The following MARCHF1 variants were observed in gnomAD, a reference collection of about 807,000 sequenced individuals.
MARCHF1 encodes E3 ubiquitin-protein ligase MARCHF1.
Under a neutral mutation model 54.2 loss-of-function variants are expected in MARCHF1, and 40 were observed. The ratio of observed to expected loss-of-function variants is 0.74; its 90% CI spans 0.57 to 0.96. The LOEUF is 0.96. Ranked by LOEUF, MARCHF1 falls within the 40% of genes least tolerant of loss-of-function variation. The probability of loss-of-function intolerance (pLI) is 0.00; values close to 1 mark genes in which losing one functional copy is unlikely to be tolerated. For synonymous variants in MARCHF1, 236 were observed against 236.3 expected (o/e 1.00, Z 0.01); for missense variants, 586 against 656.5 (o/e 0.89, Z 1.17).
At chr4:164,064,958 A>C (rs919049763) in intron 2 of MARCHF1, among the ~76,000 whole-genome samples, 15 of 152,090 alleles carry the variant, frequency 9.9e-5, no homozygotes, top group Admixed American at 6.6e-4. Context: ...ACGTTTATTG[A>C]TTTGCATATG....
chr4:164,141,208 C>T (rs1278584517), intron 1 of MARCHF1, among the ~76,000 whole-genome samples: 5 of 152,224 alleles, frequency 3.3e-5, no homozygotes, highest in East Asian at 1.9e-4. Context: ...AAATGTATGC[C>T]ACTACTGATA....
At chr4:163,555,803 G>A (rs1739266207) in intron 8 of MARCHF1, 2 of 357,206 alleles carry the variant, frequency 5.6e-6, no homozygotes, top group South Asian at 4.0e-5. Flanking sequence ...CATTGATGAT[G>A]TTTTCCCTGG....
chr4:163,924,684 T>C (rs532202942), intron 3 of MARCHF1, among the ~76,000 whole-genome samples: 3 of 151,898 alleles, frequency 2.0e-5, no homozygotes, highest in South Asian at 4.1e-4. Context: ...GATGAGAAAA[T>C]AGGGATAGAG....
At chr4:163,813,944 CA>C (rs1748463597) in intron 4 of MARCHF1, among the ~76,000 whole-genome samples, 1 of 152,118 alleles carries the variant, frequency 6.6e-6, no homozygotes, top group Non-Finnish European at 1.5e-5. Context: ...CCTGATGCAC[CA>C]AAATCTAAGC....
intron 1 of MARCHF1, among the ~76,000 whole-genome samples, chr4:164,208,975 TCTCA>T (rs1002366740): frequency 5.3e-5 from 8 of 151,288 alleles, no homozygotes; most frequent in African/African-American, 1.9e-4. Context: ...TCTCTCTCTC[TCTCA>T]CTTTCTCTCT....
At chr4:163,698,586 C>T (rs916365342) in intron 5 of MARCHF1, among the ~76,000 whole-genome samples, 5 of 151,996 alleles carry the variant, frequency 3.3e-5, no homozygotes, top group African/African-American at 1.2e-4. Flanking sequence ...TTAATTGTCT[C>T]CCACACAGAA....
intron 1 of MARCHF1, among the ~76,000 whole-genome samples, chr4:164,122,268 G>A (rs1240120185): frequency 1.3e-5 from 2 of 152,084 alleles, no homozygotes; most frequent in African/African-American, 2.4e-5. Flanking sequence ...GTGAGGATAC[G>A]GAAGTCCTCA....
chr4:164,270,392 T>C (rs978647984), intron 1 of MARCHF1, among the ~76,000 whole-genome samples: 1 of 152,218 alleles, frequency 6.6e-6, no homozygotes, highest in African/African-American at 2.4e-5. Flanking sequence ...AGTCTTCATT[T>C]ATCATTCCTT....
At chr4:163,829,031 T>A (rs995187144) in intron 4 of MARCHF1, 1 of 152,192 alleles carries the variant, frequency 6.6e-6, no homozygotes, top group Non-Finnish European at 1.5e-5. Context: ...GGAAGGGCAC[T>A]TGGCCAGCCA....
At chr4:164,147,196 G>T (rs949230441) in intron 1 of MARCHF1, among the ~76,000 whole-genome samples, 4 of 151,270 alleles carry the variant, frequency 2.6e-5, no homozygotes, top group African/African-American at 9.8e-5. Flanking sequence ...AGGATGTGGA[G>T]AAATAGGAAC....
intron 4 of MARCHF1, among the ~76,000 whole-genome samples, chr4:163,841,487 C>A (rs1394825912): frequency 6.6e-6 from 1 of 151,662 alleles, no homozygotes; most frequent in Admixed American, 6.6e-5. Context: ...AGCAGTGGAG[C>A]CTAAATATAA....
intron 1 of MARCHF1, among the ~76,000 whole-genome samples, chr4:164,148,534 A>G (rs889040639): frequency 6.6e-6 from 1 of 152,064 alleles, no homozygotes; most frequent in African/African-American, 2.4e-5. Flanking sequence ...TTCAGTCTGT[A>G]AAAATCTTTA....
intron 4 of MARCHF1, among the ~76,000 whole-genome samples, chr4:163,703,700 A>T (rs1452528148): frequency 3.3e-5 from 5 of 152,116 alleles, no homozygotes; most frequent in Non-Finnish European, 2.9e-5. Flanking sequence ...GTTGGATTTC[A>T]GCATGTCATT....
chr4:163,694,168 G>C (rs1579201737), intron 5 of MARCHF1, among the ~76,000 whole-genome samples: 1 of 152,164 alleles, frequency 6.6e-6, no homozygotes, highest in African/African-American at 2.4e-5. Context: ...ATCCATGACA[G>C]GATGAAATGA....
At chr4:163,596,636 T>G (rs2110869681) in intron 7 of MARCHF1, among the ~76,000 whole-genome samples, 1 of 152,062 alleles carries the variant, frequency 6.6e-6, no homozygotes, top group Admixed American at 6.5e-5. Context: ...ATAATGCTTA[T>G]AATTTGATTT....
rs530614395 is a variant in MARCHF1 at position 163,629,991 on chromosome 4, C to G, written c.163-16598G>C. ...AAGTACTGGCAAGGAAGCAGAGCAA[C>G]TGAAAGTTTTGTACATTGTTGGAGG... On this transcript the variant is annotated intron_variant, in intron 5 of 9. Transcript: ENST00000514618. Among the ~76,000 whole-genome samples the G allele has an allele frequency of 7.2e-5, 11 of 152,236 alleles. No homozygotes were observed. The South Asian group carries it at 2.3e-3, about 32-fold the overall frequency.
At chr4:164,037,237 G>T (rs1754025041) in intron 2 of MARCHF1, among the ~76,000 whole-genome samples, 1 of 152,118 alleles carries the variant, frequency 6.6e-6, no homozygotes, top group South Asian at 2.1e-4. Flanking sequence ...CAGAAGAGGG[G>T]TCTGGGCTGG....
intron 4 of MARCHF1, among the ~76,000 whole-genome samples, chr4:163,785,381 A>G (rs1747589275): frequency 1.3e-5 from 2 of 152,070 alleles, no homozygotes; most frequent in Admixed American, 6.6e-5. Context: ...GTGTGTCACA[A>G]CCTAAAGAAG....
chr4:163,882,164 T>C, intron 3 of MARCHF1, among the ~76,000 whole-genome samples: 1 of 152,242 alleles, frequency 6.6e-6, no homozygotes, highest in East Asian at 1.9e-4. Flanking sequence ...GGATGTCTTA[T>C]TTTGAAAGTC....
Sources: allele counts gnomAD v4.1 joint callset (sites outside exome capture counted in the v4.1 genomes callset), GRCh38; gene constraint gnomAD v4.1.1; transcripts MANE v1.5; gene names NCBI Gene and HGNC (gene_info 2026-07-23, HGNC 2026-07-21).